The following THSD7A variants were observed in gnomAD, a reference collection of about 807,000 sequenced individuals.
The protein encoded by THSD7A is thrombospondin type 1 domain containing 7A, also known as thrombospondin type-1 domain-containing protein 7A.
Under a neutral mutation model 231.3 loss-of-function variants are expected in THSD7A, and 96 were observed. The ratio of observed to expected loss-of-function variants is 0.41; its 90% CI spans 0.35 to 0.49. The LOEUF is 0.49. THSD7A is among the 20% of genes least tolerant of loss of function. THSD7A has a pLI of 0.05. For synonymous variants in THSD7A, 940 were observed against 743.3 expected, an observed-to-expected ratio of 1.26 and a Z score of -4.30; for missense variants, 2,290 against 2,070.2, an observed-to-expected ratio of 1.11 and a Z score of -2.06.
chr7:11,492,895 T>G (rs942236537), intron 6 of THSD7A, among the ~76,000 whole-genome samples: 2 of 152,086 alleles, frequency 1.3e-5, no homozygotes, highest in African/African-American at 4.8e-5. Flanking sequence ...GTCTGACCCT[T>G]TAATCTTCAT....
In THSD7A at chr7:11,634,173, C is replaced by A. The variant is rs1249873626; in HGVS notation, c.1022+1957G>T. Among the ~76,000 whole-genome samples, 4 of 151,958 alleles carry A rather than the reference C, an allele frequency of 2.6e-5. No individual in the cohort carries two copies. Among genetic ancestry groups the A allele is most frequent in the Admixed American group, 6.6e-5 (1 of 15,266 alleles). On this transcript the variant is annotated intron_variant, in intron 2 of 27. Transcript: ENST00000423059. The surrounding 1 kb of genome is among the most constrained non-coding windows in gnomAD (Gnocchi z 4.1). Reference sequence around the variant, plus strand: ...CCAATATATTTAACATAAAGTTTAACCTATACTGTAATAAGTCAGAAAATA... The same window carrying A: ...CCAATATATTTAACATAAAGTTTAAACTATACTGTAATAAGTCAGAAAATA...
intron 1 of THSD7A, among the ~76,000 whole-genome samples, chr7:11,818,736 C>G (rs1343817159): frequency 6.6e-6 from 1 of 152,194 alleles, no homozygotes; most frequent in African/African-American, 2.4e-5. Context: ...CACCAGCTTG[C>G]AGGCTTAACT....
chr7:11,482,092 C>T (rs755609103), intron 6 of THSD7A, 110 bp from the exon 7 acceptor site: 832 of 1,238,198 alleles, frequency 6.7e-4, no homozygotes, highest in Non-Finnish European at 7.1e-4. Context: ...TTTGCTCTTA[C>T]TTAAAAAAAC....
Position 11,634,157 on chromosome 7 carries a change from T to G in THSD7A, c.1022+1973A>C, listed in dbSNP as rs185369028. Among the ~76,000 whole-genome samples, 1 of 152,290 alleles carries G rather than the reference T, an allele frequency of 6.6e-6. No homozygotes were observed. Among genetic ancestry groups the G allele is most frequent in the East Asian group, 1.9e-4 (1 of 5,186 alleles). ...ATAGAAATATTCACAGCCAATATAT[T>G]TAACATAAAGTTTAACCTATACTGT... is the stretch of plus-strand genomic sequence containing the variant. On this transcript the variant is annotated intron_variant, in intron 2 of 27. Transcript: ENST00000423059. This position sits in a 1 kb window ranked among gnomAD's most constrained non-coding sequence, Gnocchi z 4.1.
intron 1 of THSD7A, among the ~76,000 whole-genome samples, chr7:11,809,965 T>C (rs1784488311): frequency 1.3e-5 from 2 of 152,072 alleles, no homozygotes; most frequent in African/African-American, 2.4e-5. Flanking sequence ...TTAAACAAAC[T>C]AACCATTTGG....
At chr7:11,461,958 G>C in intron 10 of THSD7A, 53 bp downstream of exon 10, 1 of 1,587,764 alleles carries the variant, frequency 6.3e-7, no homozygotes, top group Non-Finnish European at 8.6e-7. Context: ...AAAGGATGTG[G>C]AGTTGACGTA....
intron 6 of THSD7A, 41 bp downstream of exon 6, chr7:11,541,378 G>A: frequency 6.3e-7 from 1 of 1,577,292 alleles, no homozygotes. Context: ...TATATGCAGG[G>A]TTGGACATCC....
intron 13 of THSD7A, among the ~76,000 whole-genome samples, chr7:11,432,897 A>G (rs923563040): frequency 5.9e-5 from 9 of 152,044 alleles, no homozygotes; most frequent in Non-Finnish European, 8.8e-5. Flanking sequence ...AGTATAAAAT[A>G]AATTTTAAAA....
intron 23 of THSD7A, among the ~76,000 whole-genome samples, chr7:11,388,595 G>T (rs758331626): frequency 2.0e-5 from 3 of 151,670 alleles, no homozygotes; most frequent in African/African-American, 7.3e-5. Context: ...TTCTTTCTTC[G>T]TCTGGCTAGC....
chr7:11,510,294 C>A (rs868138113), intron 6 of THSD7A, among the ~76,000 whole-genome samples: 1 of 152,078 alleles, frequency 6.6e-6, no homozygotes, highest in Non-Finnish European at 1.5e-5. Flanking sequence ...AGCCTACCAA[C>A]CAAAAAAAGT....
At chr7:11,745,852 C>A (rs1214245639) in intron 1 of THSD7A, among the ~76,000 whole-genome samples, 1 of 151,850 alleles carries the variant, frequency 6.6e-6, no homozygotes, top group Admixed American at 6.6e-5. Flanking sequence ...CTGTAGCCTT[C>A]TAGTATAGTT....
chr7:11,559,838 T>C (rs1483475207), intron 4 of THSD7A, among the ~76,000 whole-genome samples: 1 of 152,160 alleles, frequency 6.6e-6, no homozygotes, highest in Non-Finnish European at 1.5e-5. Context: ...AAACAGACAC[T>C]GCTGGTGGGA....
chr7:11,745,034 G>T (rs1237145097), intron 1 of THSD7A, among the ~76,000 whole-genome samples: 1 of 151,880 alleles, frequency 6.6e-6, no homozygotes, highest in Non-Finnish European at 1.5e-5. Flanking sequence ...TTCCACAATG[G>T]TTGAACTAGT....
At chr7:11,525,133 T>A (rs909731385) in intron 6 of THSD7A, among the ~76,000 whole-genome samples, 5 of 152,184 alleles carry the variant, frequency 3.3e-5, no homozygotes, top group African/African-American at 9.6e-5. Context: ...CAAATTAGAA[T>A]AAGAAGATAT....
intron 2 of THSD7A, among the ~76,000 whole-genome samples, chr7:11,614,568 A>G (rs1306969296): frequency 3.3e-5 from 5 of 152,356 alleles, no homozygotes; most frequent in South Asian, 2.1e-4. Context: ...CCCAAGATAA[A>G]GAATACTGAA....
intron 6 of THSD7A, among the ~76,000 whole-genome samples, chr7:11,520,626 T>C (rs1788224657): frequency 5.9e-5 from 9 of 152,162 alleles, no homozygotes; most frequent in Admixed American, 5.9e-4. Flanking sequence ...GTACATAATA[T>C]TTTTAGAAAC....
At chr7:11,786,376 C>A (rs561856863) in intron 1 of THSD7A, among the ~76,000 whole-genome samples, 1 of 152,176 alleles carries the variant, frequency 6.6e-6, no homozygotes, top group South Asian at 2.1e-4. Context: ...ATTAAACAAA[C>A]AGGAGAGCTT....
intron 1 of THSD7A, among the ~76,000 whole-genome samples, chr7:11,804,073 A>G (rs1490022793): frequency 2.6e-5 from 4 of 152,098 alleles, no homozygotes; most frequent in Non-Finnish European, 4.4e-5. Context: ...TTTGGTTTAT[A>G]TTTTATATTT....
At chr7:11,739,504 G>C (rs1305983502) in intron 1 of THSD7A, among the ~76,000 whole-genome samples, 1 of 151,880 alleles carries the variant, frequency 6.6e-6, no homozygotes, top group African/African-American at 2.4e-5. Context: ...ATTAATTATT[G>C]ATAGCCAGAT....
Sources: gnomAD v4.1 joint callset for allele counts (sites outside exome capture counted in the v4.1 genomes callset) on GRCh38, gnomAD v4.1.1 for gene constraint, Gnocchi (gnomAD v3.1) non-coding constraint, MANE v1.5 for transcripts, NCBI Gene and HGNC (gene_info 2026-07-23, HGNC 2026-07-21) for gene names.